DYM: variants seen among roughly 807,000 people sequenced by gnomAD.
DYM encodes the protein dymeclin.
A neutral mutation model predicts 93.1 loss-of-function variants in DYM; 78 were observed. That is an observed-to-expected ratio of 0.84 (90% CI 0.70 to 1.01). DYM has a LOEUF of 1.01. Among genes scored for constraint, DYM ranks in the 50% least tolerant of loss-of-function variants. The pLI is 0.00. For synonymous variants in DYM, 321 were observed against 319.7 expected (o/e 1.00, Z -0.04); for missense variants, 789 against 845.0 (o/e 0.93, Z 0.82).
At chr18:49,353,562 T>C (rs1360914007) in intron 6 of DYM, among the ~76,000 whole-genome samples, 1 of 151,846 alleles carries the variant, frequency 6.6e-6, no homozygotes, top group East Asian at 1.9e-4. Context: ...AAACTAAAAA[T>C]GATAATTTAA....
chr18:49,330,720 G>A (rs970811712), intron 8 of DYM, among the ~76,000 whole-genome samples: 1 of 152,076 alleles, frequency 6.6e-6, no homozygotes, highest in African/African-American at 2.4e-5. Flanking sequence ...TTTTAAAAAA[G>A]AAAACAGTAA....
intron 1 of DYM, among the ~76,000 whole-genome samples, chr18:49,432,431 A>AATTTTGTCCCCATTCATTTT (rs1471731414): frequency 6.6e-6 from 1 of 151,712 alleles, no homozygotes; most frequent in Non-Finnish European, 1.5e-5. Context: ...GGGACATAAT[A>AATTTTGTCCCCATTCATTTT]CACTAGTGAA....
At chr18:49,420,228 C>T (rs954942514) in intron 2 of DYM, among the ~76,000 whole-genome samples, 2 of 143,304 alleles carry the variant, frequency 1.4e-5, no homozygotes, top group African/African-American at 2.6e-5. Context: ...AGTGCAATGG[C>T]GCGATCTCAG....
chr18:49,245,200 G>A (rs2094135805), intron 13 of DYM, among the ~76,000 whole-genome samples: 1 of 152,120 alleles, frequency 6.6e-6, no homozygotes, highest in South Asian at 2.1e-4. Context: ...GTCACTTCGG[G>A]ATTCTGTGAT....
chr18:49,336,020 C>T (rs1414209103), intron 6 of DYM, among the ~76,000 whole-genome samples: 1 of 152,054 alleles, frequency 6.6e-6, no homozygotes, highest in African/African-American at 2.4e-5. Flanking sequence ...TACCATGTTG[C>T]CCAGGCTGAT....
intron 15 of DYM, among the ~76,000 whole-genome samples, chr18:49,137,688 T>C (rs1425563548): frequency 2.6e-5 from 4 of 152,180 alleles, no homozygotes; most frequent in Admixed American, 2.0e-4. Flanking sequence ...ACAGATAGTT[T>C]TTCTTTAGTT....
intron 13 of DYM, among the ~76,000 whole-genome samples, chr18:49,239,846 C>G (rs2093970367): frequency 6.6e-6 from 1 of 152,284 alleles, no homozygotes; most frequent in East Asian, 1.9e-4. Flanking sequence ...TTGTTTTAAG[C>G]CACTAAGTTT....
chr18:49,149,438 C>A (rs1197002565), intron 15 of DYM, among the ~76,000 whole-genome samples: 1 of 152,130 alleles, frequency 6.6e-6, no homozygotes, highest in East Asian at 1.9e-4. Flanking sequence ...GCACTGCTAC[C>A]TTCCAATTCC....
chr18:49,246,091 A>C (rs992040165), intron 13 of DYM, among the ~76,000 whole-genome samples: 1 of 152,240 alleles, frequency 6.6e-6, no homozygotes, highest in African/African-American at 2.4e-5. Flanking sequence ...ACTGAAGGAC[A>C]TTGAACAAAT....
At position 49,100,357 on chromosome 18, in the gene DYM, C is replaced by T. The variant is rs369670403; in HGVS notation, c.1912-2842G>A. On this transcript the variant is annotated intron_variant, in intron 16 of 17. Transcript: ENST00000675505. ...AGTATTCACTTACTACTCAAAGACA[C>T]GACAAACCAACAAAAGGGAGTGTAC... Among the ~76,000 whole-genome samples the T allele has an allele frequency of 2.0e-4, 30 of 152,162 alleles. No homozygotes were observed. In the South Asian group the frequency reaches 5.0e-3, roughly 25 times the overall value.
At chr18:49,171,316 G>C (rs192886154) in intron 14 of DYM, among the ~76,000 whole-genome samples, 2 of 152,076 alleles carry the variant, frequency 1.3e-5, no homozygotes, top group Non-Finnish European at 2.9e-5. Context: ...TTTCCTATGA[G>C]AGCCCTGCCA....
intron 15 of DYM, among the ~76,000 whole-genome samples, chr18:49,144,158 T>G (rs1027569974): frequency 6.6e-6 from 1 of 152,160 alleles, no homozygotes; most frequent in African/African-American, 2.4e-5. Context: ...CTCTCCTTTC[T>G]TATTGCAATT....
At chr18:49,421,913 A>C (rs2073759300) in intron 2 of DYM, among the ~76,000 whole-genome samples, 1 of 152,242 alleles carries the variant, frequency 6.6e-6, no homozygotes, top group African/African-American at 2.4e-5. Context: ...CAGTGATTGA[A>C]GATCAAATGA....
chr18:49,437,942 T>C (rs2081002778), intron 1 of DYM, among the ~76,000 whole-genome samples: 1 of 152,158 alleles, frequency 6.6e-6, no homozygotes, highest in Non-Finnish European at 1.5e-5. Flanking sequence ...ACACCTGTAA[T>C]CCCAGCACTT....
intron 17 of DYM, among the ~76,000 whole-genome samples, chr18:49,057,340 T>C (rs537681744): frequency 1.3e-5 from 2 of 152,354 alleles, no homozygotes; most frequent in African/African-American, 4.8e-5. Flanking sequence ...TGCAGACTGC[T>C]GCTCCTTGAG....
chr18:49,455,014 A>G (rs2082860273), intron 1 of DYM, among the ~76,000 whole-genome samples: 1 of 150,416 alleles, frequency 6.6e-6, no homozygotes, highest in Non-Finnish European at 1.5e-5. Context: ...CCTTTCTTCT[A>G]TTAGACTTTC....
intron 8 of DYM, among the ~76,000 whole-genome samples, chr18:49,307,400 G>C (rs1424171429): frequency 6.6e-6 from 1 of 152,018 alleles, no homozygotes; most frequent in Non-Finnish European, 1.5e-5. Flanking sequence ...AAGTCAGCAG[G>C]AAAAAGATGA....
At position 49,286,469 on chromosome 18, in the gene DYM, T is replaced by C. The variant is rs765809005; in HGVS notation, c.911A>G (p.Tyr304Cys). The change falls in exon 9 of 18, where the codon TAC (tyrosine) becomes TGC (cysteine). Residue 304 changes from tyrosine to cysteine, a missense_variant. By Grantham distance (194) the Tyr-to-Cys change is radical. Coordinates refer to ENST00000675505, the MANE Select transcript of DYM (RefSeq NM_001353214.3). ...CTTGAAGGACATAATGGCTTGTCTG[T>C]AGGGGTTTGGCGCATCTGAGGCATC... ...LTDASDAPNP[Y>C]RQAIMSFKNT... 4.3e-6 allele frequency: 7 copies of C among 1,614,066 alleles called. No homozygotes were observed. Among genetic ancestry groups the C allele is most frequent in the African/African-American group, 4.0e-5 (3 of 74,942 alleles).
At chr18:49,451,892 G>A (rs2082545254) in intron 1 of DYM, among the ~76,000 whole-genome samples, 1 of 152,154 alleles carries the variant, frequency 6.6e-6, no homozygotes, top group Non-Finnish European at 1.5e-5. Flanking sequence ...TGAATCAAGT[G>A]GTGATCTCCT....
Sources: allele counts gnomAD v4.1 joint callset (sites outside exome capture counted in the v4.1 genomes callset), GRCh38; gene constraint gnomAD v4.1.1; transcripts MANE v1.5; gene names NCBI Gene and HGNC (gene_info 2026-07-23, HGNC 2026-07-21).